The following NKPD1 variants were observed in gnomAD, a reference collection of about 807,000 sequenced individuals.
NKPD1 encodes the protein NTPase KAP family P-loop domain-containing protein 1.
A neutral mutation model predicts 42.2 loss-of-function variants in NKPD1; 37 were observed. That is an observed-to-expected ratio of 0.88 (90% CI 0.67 to 1.15). The LOEUF is 1.15. Ranked by LOEUF, NKPD1 falls within the 50% of genes most tolerant of loss-of-function variation. The pLI is 0.00. For missense variants in NKPD1, 1,113 were observed against 1,174.6 expected, an observed-to-expected ratio of 0.95 and a Z score of 0.77; for synonymous variants, 552 against 536.5, an observed-to-expected ratio of 1.03 and a Z score of -0.40.
In NKPD1 at chr19:45,160,982, C is replaced by T. The variant is rs949503246; in HGVS notation, c.-129G>A. Among the ~76,000 whole-genome samples, 8 of 152,134 alleles carry T rather than the reference C, an allele frequency of 5.3e-5. No homozygotes were observed. Among genetic ancestry groups the T allele is most frequent in the African/African-American group, 1.7e-4 (7 of 41,426 alleles). On this transcript the variant is annotated 5_prime_UTR_variant, in exon 1 of 5. Coordinates refer to ENST00000686631, the MANE Select transcript of NKPD1 (RefSeq NM_198478.4). ...CCCACGAGCAGCTGCCACACCAGCC[C>T]GGACTGTCAGCGCAGGCCCATCCAG...
chr19:45,161,574 G>C (rs997965020), upstream of NKPD1, among the ~76,000 whole-genome samples: 1 of 152,242 alleles, frequency 6.6e-6, no homozygotes, highest in East Asian at 1.9e-4. Context: ...CTGAGGCCCA[G>C]AGAAGTGAAG....
rs1336526621 is a variant in NKPD1, at chr19:45,150,274, T to A, written c.*1664A>T. ...CCAGCTAATCTTTTTGTATTTTTAT[T>A]AGAGACAGGGCTTCACCATGTTGGC... On this transcript the variant is annotated 3_prime_UTR_variant, in exon 5 of 5. Coordinates refer to ENST00000686631, the MANE Select transcript of NKPD1 (RefSeq NM_198478.4). The A allele has an allele frequency of 6.6e-6, 1 of 152,172 alleles. No homozygotes were observed. Among genetic ancestry groups the A allele is most frequent in the Non-Finnish European group, 1.5e-5 (1 of 68,036 alleles). The allele number at this position is 152,172 out of a possible 1,614,324, so 9.4% of individuals were successfully genotyped here. A position where few individuals can be genotyped will look rare whatever the true frequency, so the allele number is the denominator to read the frequency against.
chr19:45,161,677 C>T (rs1568460148), upstream of NKPD1, among the ~76,000 whole-genome samples: 1 of 152,236 alleles, frequency 6.6e-6, no homozygotes, highest in Non-Finnish European at 1.5e-5. Context: ...GTCTCCTGCC[C>T]TCGGGGCCAG....
intron 1 of NKPD1, among the ~76,000 whole-genome samples, chr19:45,160,472 C>G (rs572213371): frequency 6.6e-6 from 1 of 152,104 alleles, no homozygotes; most frequent in African/African-American, 2.4e-5. Context: ...TTCCAAGAGG[C>G]TAGGACACTG....
rs771350842 is a variant in NKPD1, at chr19:45,153,156, C to T, written c.1281G>A (p.Met427Ile). The change falls in exon 5 of 5, where the codon ATG becomes ATA. Residue 427 changes from methionine (M) to isoleucine (I), a missense_variant. Transcript: ENST00000686631. The part of the protein sequence containing the change: ...REKFGSQLGF[M>I]CEVKKEVELL... ...GCTCCACCTCCTTCTTCACCTCGCA[C>T]ATGAAACCCAGCTGGCTGCCGAACT... 1.9e-6 allele frequency: 3 copies of T among 1,579,624 alleles called. No individual in the cohort carries two copies. Among genetic ancestry groups the T allele is most frequent in the Non-Finnish European group, 2.6e-6 (3 of 1,163,616 alleles).
chr19:45,159,442 CTG>C (rs1968966721), intron 2 of NKPD1, among the ~76,000 whole-genome samples: 1 of 152,070 alleles, frequency 6.6e-6, no homozygotes, highest in Admixed American at 6.5e-5. Context: ...GTCAGGGAAA[CTG>C]AGAAGATCCA....
chr19:45,157,479 A>T (rs895967352), intron 3 of NKPD1, among the ~76,000 whole-genome samples: 4 of 146,606 alleles, frequency 2.7e-5, no homozygotes, highest in Admixed American at 2.0e-4. Context: ...CGGCACAATT[A>T]TAAGTCACTG....
In NKPD1 at chr19:45,153,642, G is replaced by A. The variant is rs770082591; in HGVS notation, c.795C>T (p.Thr265=). The change falls in exon 5 of 5, where the codon ACC becomes ACT. Residue 265 remains threonine, a synonymous_variant. Transcript: ENST00000686631. ...CGTTCCTGCGCCGCAGGTGCACCTC[G>A]GTGATGATGGGCTGCAGGAACACCA... ...WYLVFLQPII[T]EVHLRRRNVQ... 3.0e-5 allele frequency: 47 copies of A among 1,584,220 alleles called. No homozygotes were observed. Among genetic ancestry groups the A allele is most frequent in the Non-Finnish European group, 3.9e-5 (45 of 1,165,208 alleles).
intron 3 of NKPD1, among the ~76,000 whole-genome samples, chr19:45,157,106 G>T (rs75893338): frequency 0.13 from 20,040 of 152,206 alleles, 1,507 homozygotes; most frequent in Middle Eastern, 0.2. Context: ...CCGCCACCCC[G>T]GCAAGGCTGC....
upstream of NKPD1, among the ~76,000 whole-genome samples, chr19:45,161,911 C>T (rs189712384): frequency 2.9e-3 from 435 of 152,242 alleles, 2 homozygotes; most frequent in African/African-American, 9.9e-3. Context: ...GGGAACCCAC[C>T]CAGCCCTGAG....
At chr19:45,161,023 C>A (rs1968994804), upstream of NKPD1, among the ~76,000 whole-genome samples, 1 of 152,210 alleles carries the variant, frequency 6.6e-6, no homozygotes, top group Admixed American at 6.5e-5. Context: ...GGCCTCAGCC[C>A]AGTGCCCGCC....
upstream of NKPD1, among the ~76,000 whole-genome samples, chr19:45,162,236 G>A (rs1969021246): frequency 6.6e-6 from 1 of 152,212 alleles, no homozygotes; most frequent in South Asian, 2.1e-4. Flanking sequence ...GGCGTTTGGG[G>A]AGTGGGCCAG....
upstream of NKPD1, among the ~76,000 whole-genome samples, chr19:45,162,325 G>A (rs1568460545): frequency 6.6e-6 from 1 of 152,178 alleles, no homozygotes; most frequent in Non-Finnish European, 1.5e-5. Context: ...CCCAGGCAGG[G>A]CCTGACGGGG....
rs1459787744 is a variant in NKPD1 at position 45,152,375 on chromosome 19, C to T, written c.2062G>A (p.Ala688Thr). Residue 688 changes from alanine to threonine, a missense_variant, in exon 5 of 5, where the codon GCG becomes ACG. By Grantham distance (58) the Ala-to-Thr change is moderately conservative. This residue lies in a region of NKPD1 where 867 missense variants were observed against 870.1 expected (regional missense o/e 1.00). Coordinates refer to ENST00000686631, the MANE Select transcript of NKPD1 (RefSeq NM_198478.4). ...QQTGGAPEGRARLWDVFRDNS... is the reference protein window; with the variant it reads ...QQTGGAPEGRTRLWDVFRDNS... ...TCGCGGAAAACGTCCCAGAGGCGCG[C>T]GCGGCCCTCGGGCGCGCCCCCGGTC... 5 of 1,589,746 alleles carry T rather than the reference C, an allele frequency of 3.1e-6. No individual in the cohort carries two copies. Among genetic ancestry groups the T allele is most frequent in the Admixed American group, 1.7e-5 (1 of 57,524 alleles).
intron 3 of NKPD1, among the ~76,000 whole-genome samples, chr19:45,157,479 A>G (rs895967352): frequency 6.8e-6 from 1 of 146,606 alleles, no homozygotes. Flanking sequence ...CGGCACAATT[A>G]TAAGTCACTG....
chr19:45,160,073 C>G lies in NKPD1; in HGVS notation c.78G>C (p.Leu26Phe), dbSNP rs1968977870. 4 of 1,304,444 alleles carry G rather than the reference C, an allele frequency of 3.1e-6. No homozygotes were observed. The highest frequency in any genetic ancestry group is 4.0e-6 in the Non-Finnish European group (4 of 988,440). The allele number at this position is 1,304,444 out of a possible 1,614,324, so 80.8% of individuals were successfully genotyped here. Residue 26 changes from leucine to phenylalanine, a missense_variant, in exon 2 of 5, where the codon TTG becomes TTC. Physicochemically the swap from Leu to Phe is conservative, Grantham distance 22. Coordinates refer to ENST00000686631, the MANE Select transcript of NKPD1 (RefSeq NM_198478.4). ...PNGHYFWDPE[L>F]GHRKGCCHQW... ...CTGAACCCGTACCTTTTCGGTGCCC[C>G]AACTCTGGGTCCCAGAAGTAGTGCC... is the stretch of plus-strand genomic sequence containing the variant.
Position 45,158,978 on chromosome 19 carries a change from G to A in NKPD1, c.214C>T (p.Arg72Cys), listed in dbSNP as rs1040129872. ...HSHQVGGSGW[R>C]RGLLPSVLQQ... ...AGGACGGAGGGCAGGAGGCCCCGGC[G>A]CCAGCCACTGCCACCCACTTGGTGG... The change falls in exon 3 of 5, where the codon CGC becomes TGC. Residue 72 changes from arginine (R) to cysteine (C), a missense_variant. By Grantham distance (180) the Arg-to-Cys change is radical. Transcript: ENST00000686631. The surrounding 1 kb of genome is among the most constrained non-coding windows in gnomAD (Gnocchi z 4.6). 7.7e-6 allele frequency: 10 copies of A among 1,299,652 alleles called. No individual in the cohort carries two copies. The highest frequency in any genetic ancestry group is 5.6e-5 in the East Asian group (1 of 17,914). 80.5% of individuals were successfully genotyped at this position (1,299,652 alleles called of 1,614,324 possible). A position where few individuals can be genotyped will look rare whatever the true frequency, so the allele number is the denominator to read the frequency against.
Position 45,152,297 on chromosome 19 carries a change from G to A in NKPD1, c.2140C>T (p.Leu714=). 6.2e-7 allele frequency: 1 copy of A among 1,610,900 alleles called. No individual in the cohort carries two copies. Among genetic ancestry groups the A allele is most frequent in the Non-Finnish European group, 8.5e-7 (1 of 1,179,068 alleles). The change falls in exon 5 of 5, where the codon CTG becomes TTG. Residue 714 remains leucine, a synonymous_variant. Transcript: ENST00000686631. ...MTKALQNVLD[L]DGDPELFERF... ...TCGAAGAGCTCGGGGTCGCCGTCCA[G>A]GTCGAGCACGTTCTGCAACGCCTTG...
At chr19:45,155,755 TCCC>T in intron 4 of NKPD1, 27 bp downstream of exon 4, 1 of 1,283,716 alleles carries the variant, frequency 7.8e-7, no homozygotes, top group Non-Finnish European at 1.0e-6. Flanking sequence ...TTTCTCATCC[TCCC>T]CCCAACAAAC....
Sources: allele counts gnomAD v4.1 joint callset (sites outside exome capture counted in the v4.1 genomes callset), GRCh38; gene constraint gnomAD v4.1.1; regional missense constraint gnomAD v4.1.1; non-coding constraint Gnocchi (gnomAD v3.1); transcripts MANE v1.5; gene names NCBI Gene and HGNC (gene_info 2026-07-23, HGNC 2026-07-21).